The following SCHIP1 variants were observed in gnomAD, a reference collection of about 807,000 sequenced individuals.
The protein encoded by SCHIP1 is schwannomin-interacting protein 1.
A neutral mutation model predicts 29.7 loss-of-function variants in SCHIP1; 8 were observed. That is an observed-to-expected ratio of 0.27 (90% CI 0.16 to 0.49). The LOEUF is 0.49. Among genes scored for constraint, SCHIP1 ranks in the 20% least tolerant of loss-of-function variants. The pLI is 0.99. For missense variants in SCHIP1, 193 were observed against 294.6 expected (o/e 0.66, Z 2.52); for synonymous variants, 76 against 94.9 (o/e 0.80, Z 1.16).
At chr3:159,663,359 G>A in the SCHIP1 span, among the ~76,000 whole-genome samples, 2 of 152,118 alleles carry the variant, frequency 1.3e-5, no homozygotes. Context: ...GTTCTGAGGT[G>A]AGCTCCCACA....
the SCHIP1 span, among the ~76,000 whole-genome samples, chr3:159,310,249 G>A: frequency 1.3e-5 from 2 of 152,176 alleles, no homozygotes; most frequent in African/African-American, 4.8e-5. Context: ...AGAAATAAAA[G>A]AGCCACAGTC....
intron 1 of SCHIP1, among the ~76,000 whole-genome samples, chr3:159,859,063 T>A (rs1230129878): frequency 6.6e-6 from 1 of 152,222 alleles, no homozygotes; most frequent in East Asian, 1.9e-4. Flanking sequence ...AATTGAAAGA[T>A]ACTATTTTTT....
the SCHIP1 span, among the ~76,000 whole-genome samples, chr3:159,574,149 C>T: frequency 2.6e-5 from 4 of 152,200 alleles, no homozygotes; most frequent in Non-Finnish European, 4.4e-5. Flanking sequence ...AGCTTTGTTC[C>T]GTTGCTGGCG....
chr3:159,398,202 C>A, the SCHIP1 span, among the ~76,000 whole-genome samples: 1 of 152,168 alleles, frequency 6.6e-6, no homozygotes, highest in Admixed American at 6.5e-5. Flanking sequence ...GGTGCGCACA[C>A]CCACTGACCT....
the SCHIP1 span, among the ~76,000 whole-genome samples, chr3:159,782,779 T>C: frequency 3.9e-5 from 6 of 152,368 alleles, 1 homozygote; most frequent in South Asian, 1.2e-3. Context: ...GATATCAAGC[T>C]AGCTGCTCCT....
At chr3:159,725,434 A>G in the SCHIP1 span, among the ~76,000 whole-genome samples, 1 of 151,870 alleles carries the variant, frequency 6.6e-6, no homozygotes, top group African/African-American at 2.4e-5. Flanking sequence ...GCACCCAGCT[A>G]ATTTTTGTAT....
chr3:159,406,103 A>G, the SCHIP1 span, among the ~76,000 whole-genome samples: 1 of 151,742 alleles, frequency 6.6e-6, no homozygotes, highest in African/African-American at 2.4e-5. Flanking sequence ...GGAAGATATC[A>G]ATATTCAAGC....
At chr3:159,425,019 C>T in the SCHIP1 span, among the ~76,000 whole-genome samples, 1 of 151,568 alleles carries the variant, frequency 6.6e-6, no homozygotes. Flanking sequence ...CCAGGCCTGC[C>T]TTAAAAGAGC....
At chr3:159,582,262 C>T in the SCHIP1 span, among the ~76,000 whole-genome samples, 1 of 152,086 alleles carries the variant, frequency 6.6e-6, no homozygotes, top group Non-Finnish European at 1.5e-5. Context: ...CCTCAGTCTT[C>T]CCGGCTCAAG....
the SCHIP1 span, among the ~76,000 whole-genome samples, chr3:159,681,049 G>T: frequency 2.6e-5 from 4 of 151,932 alleles, no homozygotes; most frequent in African/African-American, 9.7e-5. Flanking sequence ...TGTATATCAA[G>T]AATTGGCTAC....
chr3:159,625,630 T>G, the SCHIP1 span, among the ~76,000 whole-genome samples: 2 of 152,282 alleles, frequency 1.3e-5, no homozygotes, highest in South Asian at 4.2e-4. Context: ...TTGGAATTCT[T>G]ACACCATGGA....
At chr3:159,753,733 T>C in the SCHIP1 span, among the ~76,000 whole-genome samples, 16 of 152,204 alleles carry the variant, frequency 1.1e-4, no homozygotes, top group Non-Finnish European at 2.9e-5. Context: ...GAGTGGCTGT[T>C]AGGATAAAGA....
chr3:159,845,744 A>G (rs1336971629), intron 1 of SCHIP1: 1 of 152,142 alleles, frequency 6.6e-6, no homozygotes. Flanking sequence ...TGCCTTATAC[A>G]CAGAGTATGT....
the SCHIP1 span, among the ~76,000 whole-genome samples, chr3:159,619,277 C>G: frequency 1.3e-5 from 2 of 152,186 alleles, no homozygotes; most frequent in Admixed American, 6.5e-5. Context: ...TCATAAACCT[C>G]TCTGGTAATG....
the SCHIP1 span, among the ~76,000 whole-genome samples, chr3:159,281,334 G>T: frequency 9.5e-3 from 1,452 of 152,252 alleles, 14 homozygotes; most frequent in African/African-American, 0.014. Flanking sequence ...TAATTACACC[G>T]AAATATTCTA....
chr3:159,770,120 A>G, the SCHIP1 span, among the ~76,000 whole-genome samples: 3 of 152,206 alleles, frequency 2.0e-5, no homozygotes, highest in African/African-American at 7.2e-5. Flanking sequence ...ATGTTATTGT[A>G]TATATCAGTG....
chr3:159,377,457 C>T, the SCHIP1 span, among the ~76,000 whole-genome samples: 30 of 152,246 alleles, frequency 2.0e-4, no homozygotes, highest in South Asian at 4.2e-4. Context: ...ATGTCCCGCA[C>T]GTGGAAAATA....
chr3:159,403,609 T>C, the SCHIP1 span, among the ~76,000 whole-genome samples: 2 of 152,178 alleles, frequency 1.3e-5, no homozygotes, highest in South Asian at 2.1e-4. Context: ...CCAGACCTAA[T>C]CAAGGGGAAT....
At chr3:159,420,396 G>T in the SCHIP1 span, among the ~76,000 whole-genome samples, 1 of 152,204 alleles carries the variant, frequency 6.6e-6, no homozygotes, top group Non-Finnish European at 1.5e-5. Flanking sequence ...AAAAATAGAA[G>T]CACCCTCTTT....
Sources: gnomAD v4.1 joint callset for allele counts (sites outside exome capture counted in the v4.1 genomes callset) on GRCh38, gnomAD v4.1.1 for gene constraint, MANE v1.5 for transcripts, NCBI Gene and HGNC (gene_info 2026-07-23, HGNC 2026-07-21) for gene names.